BRPF3: variants seen among roughly 807,000 people sequenced by gnomAD.
BRPF3 encodes bromodomain and PHD finger-containing protein 3.
In BRPF3, 18 loss-of-function variants were observed where a neutral mutation model predicts 102.0. The observed-to-expected ratio is 0.18, with a 90% CI of 0.12 to 0.26. The LOEUF (loss-of-function observed/expected upper bound fraction) is 0.26. Among genes scored for constraint, BRPF3 ranks in the 10% least tolerant of loss-of-function variants. BRPF3 has a pLI of 1.00. For synonymous variants in BRPF3, 570 were observed against 614.2 expected, an observed-to-expected ratio of 0.93 and a Z score of 1.06; for missense variants, 1,147 against 1,567.8, an observed-to-expected ratio of 0.73 and a Z score of 4.53.
At chr6:36,207,808 T>A (rs1033694698) in intron 4 of BRPF3, among the ~76,000 whole-genome samples, 2 of 152,242 alleles carry the variant, frequency 1.3e-5, no homozygotes, top group South Asian at 2.1e-4. Context: ...GCCTGGGAAC[T>A]TCTGAGGGTT....
At chr6:36,213,071 A>G (rs1481588231) in intron 7 of BRPF3, among the ~76,000 whole-genome samples, 1 of 152,176 alleles carries the variant, frequency 6.6e-6, no homozygotes, top group African/African-American at 2.4e-5. Context: ...TGCCTGCTGT[A>G]CTTGTTCTTA....
intron 11 of BRPF3, 118 bp downstream of exon 11, chr6:36,225,482 A>G (rs41270094): frequency 0.14 from 110,791 of 814,546 alleles, 4,675 homozygotes; most frequent in African/African-American, 0.26. Flanking sequence ...TGTAGAGGGG[A>G]GGGGGGTTTT....
intron 12 of BRPF3, among the ~76,000 whole-genome samples, chr6:36,229,298 C>T (rs138947744): frequency 5.8e-4 from 89 of 152,298 alleles, no homozygotes; most frequent in Non-Finnish European, 1.0e-3. Flanking sequence ...AGCTGTGGGG[C>T]GGGAGCGATG....
At chr6:36,218,973 C>A (rs1052655580) in intron 9 of BRPF3, among the ~76,000 whole-genome samples, 3 of 152,116 alleles carry the variant, frequency 2.0e-5, no homozygotes, top group Admixed American at 1.3e-4. Flanking sequence ...AAATGAGAAA[C>A]CCTCACTGCC....
Position 36,230,930 on chromosome 6 carries a change from T to G in BRPF3, c.*321T>G. 3.3e-6 allele frequency: 1 copy of G among 305,540 alleles called. No individual in the cohort carries two copies. The highest frequency in any genetic ancestry group is 6.2e-6 in the Non-Finnish European group (1 of 161,814). 18.9% of individuals were successfully genotyped at this position (305,540 alleles called of 1,614,324 possible). A position where few individuals can be genotyped will look rare whatever the true frequency, so the allele number is the denominator to read the frequency against. On this transcript the variant is annotated 3_prime_UTR_variant, in exon 13 of 13. Transcript: ENST00000357641. The surrounding 1 kb of genome is among the most constrained non-coding windows in gnomAD (Gnocchi z 5.4). Reference sequence around the variant, plus strand: ...CAGATGGCAAGAGGTCCTGGGCTCCTTCTTGAGGGGCTGCCTGGCCCGCTC... The same window carrying G: ...CAGATGGCAAGAGGTCCTGGGCTCCGTCTTGAGGGGCTGCCTGGCCCGCTC...
intron 2 of BRPF3, among the ~76,000 whole-genome samples, chr6:36,202,410 A>ACCCCCCCC (rs773009912): frequency 4.9e-5 from 5 of 102,238 alleles, no homozygotes; most frequent in Non-Finnish European, 7.9e-5. Flanking sequence ...AGCTCTGTGG[A>ACCCCCCCC]CCCCCCCCCC....
Position 36,210,003 on chromosome 6 carries a change from G to T in BRPF3, c.1866+88G>T. On this transcript the variant is annotated intron_variant, in intron 5 of 12. Coordinates refer to ENST00000357641, the MANE Select transcript of BRPF3 (RefSeq NM_015695.3). The surrounding 1 kb of genome is among the most constrained non-coding windows in gnomAD (Gnocchi z 4.7). ...CTAGGAAGGAGTTGGGCCACAGGGT[G>T]TACAAAACCAGGGGTAGGAGGGTGG... 3.1e-5 allele frequency: 48 copies of T among 1,551,726 alleles called. No homozygotes were observed. The highest frequency in any genetic ancestry group is 4.2e-5 in the Non-Finnish European group (48 of 1,140,390).
chr6:36,219,255 C>A (rs905044108), intron 9 of BRPF3, among the ~76,000 whole-genome samples: 1 of 152,098 alleles, frequency 6.6e-6, no homozygotes, highest in African/African-American at 2.4e-5. Context: ...GATTCCCCTA[C>A]CCCCCGCCAA....
intron 9 of BRPF3, among the ~76,000 whole-genome samples, chr6:36,221,337 A>T (rs1581983964): frequency 8.2e-6 from 1 of 121,676 alleles, no homozygotes; most frequent in African/African-American, 3.3e-5. Context: ...GCCAGGCTGG[A>T]GTGCAGTAGC....
rs1223402303 is a variant in BRPF3, at chr6:36,196,784, T to G, written c.-213T>G. Reference sequence around the variant, plus strand: ...GCAGCGGCGGCTCCATTCCCCCTCCTCCCCCGGGAGCGGCGGCGGCGGCCG... The same window carrying G: ...GCAGCGGCGGCTCCATTCCCCCTCCGCCCCCGGGAGCGGCGGCGGCGGCCG... On this transcript the variant is annotated 5_prime_UTR_variant, in exon 1 of 13. Coordinates refer to ENST00000357641, the MANE Select transcript of BRPF3 (RefSeq NM_015695.3). 3 of 151,144 alleles carry G rather than the reference T, an allele frequency of 2.0e-5. No individual in the cohort carries two copies. The highest frequency in any genetic ancestry group is 4.4e-5 in the Non-Finnish European group (3 of 68,914). The allele number at this position is 151,144 out of a possible 1,614,324, so 9.4% of individuals were successfully genotyped here.
At chr6:36,217,892 GACT>G in intron 8 of BRPF3, 22 bp from the exon 9 acceptor site, 1 of 1,608,540 alleles carries the variant, frequency 6.2e-7, no homozygotes, top group Non-Finnish European at 8.5e-7. Context: ...TCTGCACTCA[GACT>G]CACTGTGTGT....
intron 9 of BRPF3, among the ~76,000 whole-genome samples, chr6:36,220,066 T>G (rs577506695): frequency 9.8e-5 from 15 of 152,326 alleles, no homozygotes; most frequent in African/African-American, 3.4e-4. Flanking sequence ...ATATGGATGT[T>G]AAACCAGTAA....
At chr6:36,228,549 G>T (rs944454150) in intron 11 of BRPF3, among the ~76,000 whole-genome samples, 4 of 152,184 alleles carry the variant, frequency 2.6e-5, no homozygotes, top group Non-Finnish European at 5.9e-5. Context: ...AGGAAGGATT[G>T]TAGTCAGACA....
At position 36,232,528 on chromosome 6, in the gene BRPF3, GAACGGGA is replaced by G. The variant is rs1768968817; in HGVS notation, c.*1925_*1931del. On this transcript the variant is annotated 3_prime_UTR_variant, in exon 13 of 13. Coordinates refer to ENST00000357641, the MANE Select transcript of BRPF3 (RefSeq NM_015695.3). Reference sequence around the variant, plus strand: ...TCTCATTTTTTAAAATGCTCTTTTAGAACGGGAAACGGCTCAGATCCTGCTGTGGCAC... The same window carrying G: ...TCTCATTTTTTAAAATGCTCTTTTAGAACGGCTCAGATCCTGCTGTGGCAC... 1 of 152,506 alleles carries G rather than the reference GAACGGGA, an allele frequency of 6.6e-6. No individual in the cohort carries two copies. Among genetic ancestry groups the G allele is most frequent in the Admixed American group, 6.6e-5 (1 of 15,262 alleles). The allele number at this position is 152,506 out of a possible 1,614,324, so 9.4% of individuals were successfully genotyped here.
chr6:36,214,006 G>C lies in BRPF3; in HGVS notation c.2609G>C (p.Arg870Thr). The change falls in exon 8 of 13, where the codon AGG becomes ACG. Residue 870 changes from arginine to threonine, a missense_variant. Physicochemically the swap from Arg to Thr is moderately conservative, Grantham distance 71. Transcript: ENST00000357641. ...KPINDSKPPS[R>T]FLKPRKVEED... is the part of the protein sequence containing the mutation. Reference sequence around the variant, plus strand: ...ATTAATGATAGCAAACCTCCAAGCAGGTTCCTAAAGCCCAGAAAGGTGGAA... The same window carrying C: ...ATTAATGATAGCAAACCTCCAAGCACGTTCCTAAAGCCCAGAAAGGTGGAA... 6.2e-7 allele frequency: 1 copy of C among 1,613,926 alleles called. No individual in the cohort carries two copies. The highest frequency in any genetic ancestry group is 1.3e-5 in the African/African-American group (1 of 74,930).
intron 7 of BRPF3, among the ~76,000 whole-genome samples, chr6:36,212,630 T>C (rs1474130387): frequency 5.3e-5 from 8 of 149,894 alleles, no homozygotes; most frequent in Non-Finnish European, 1.0e-4. Flanking sequence ...CAGTTAGGGA[T>C]GTCTGGGCTT....
chr6:36,198,704 G>A (rs1767593279), intron 1 of BRPF3, among the ~76,000 whole-genome samples: 1 of 152,196 alleles, frequency 6.6e-6, no homozygotes, highest in Non-Finnish European at 1.5e-5. Context: ...GCGATGAATT[G>A]TTTTTCTCTT....
chr6:36,218,464 T>TC, intron 9 of BRPF3, among the ~76,000 whole-genome samples: 1 of 150,374 alleles, frequency 6.7e-6, no homozygotes, highest in East Asian at 1.9e-4. Flanking sequence ...GAATTGCCTT[T>TC]TTTTTTTTTT....
rs1242019084 is a variant in BRPF3, at chr6:36,201,002, A to G, written c.680A>G (p.Asn227Ser). 5 of 1,613,996 alleles carry G rather than the reference A, an allele frequency of 3.1e-6. No individual in the cohort carries two copies. The highest frequency in any genetic ancestry group is 1.7e-5 in the Admixed American group (1 of 60,002). The change falls in exon 2 of 13, where the codon AAT becomes AGT. Residue 227 changes from asparagine (N) to serine (S), a missense_variant. Asn to Ser is a conservative substitution (Grantham distance 46, BLOSUM62 1). Around this residue, in one of 11 missense-constraint regions of BRPF3, gnomAD observed 221 missense variants for 337.1 expected, o/e 0.66. Transcript: ENST00000357641. The surrounding 1 kb of genome is among the most constrained non-coding windows in gnomAD (Gnocchi z 5.1). ...CTGGATGATGAATGTCACAATAGCAATGTTATTCTCTTCTGTGACATCTGC... is the reference window on the plus strand; with the variant it reads ...CTGGATGATGAATGTCACAATAGCAGTGTTATTCTCTTCTGTGACATCTGC... ...VCLDDECHNS[N>S]VILFCDICNL...
Sources: allele counts gnomAD v4.1 joint callset (sites outside exome capture counted in the v4.1 genomes callset), GRCh38; gene constraint gnomAD v4.1.1; regional missense constraint gnomAD v4.1.1; non-coding constraint Gnocchi (gnomAD v3.1); transcripts MANE v1.5; gene names NCBI Gene and HGNC (gene_info 2026-07-23, HGNC 2026-07-21).